The following CNTN5 variants were observed in gnomAD, a reference collection of about 807,000 sequenced individuals.
The protein encoded by CNTN5 is contactin-5.
CNTN5 carries 77 observed loss-of-function variants against 129.1 expected under a neutral mutation model. That is an observed-to-expected ratio of 0.60 (90% CI 0.50 to 0.72). The LOEUF is 0.72. Ranked by LOEUF, CNTN5 falls within the 30% of genes least tolerant of loss-of-function variation. CNTN5 has a pLI of 0.00. For missense variants in CNTN5, 1,478 were observed against 1,328.8 expected (o/e 1.11, Z -1.75); for synonymous variants, 509 against 465.6 (o/e 1.09, Z -1.20).
rs1485750756 is a variant in CNTN5, at chr11:100,089,674, A to G, written c.1580+15380A>G. ...TGCCCTTCATTGATAGACTGGATAA[A>G]GAAAACATGGTACATATACGTCATG... On this transcript the variant is annotated intron_variant, in intron 13 of 24. Coordinates refer to ENST00000524871, the MANE Select transcript of CNTN5 (RefSeq NM_014361.4). Among the ~76,000 whole-genome samples, 5 of 152,186 alleles carry G rather than the reference A, an allele frequency of 3.3e-5. 1 individual carries two copies. Among genetic ancestry groups the G allele is most frequent in the South Asian group, 2.1e-4 (1 of 4,834 alleles).
chr11:100,350,956 T>A (rs965681065), intron 24 of CNTN5, 86 bp downstream of exon 24: 14 of 1,028,318 alleles, frequency 1.4e-5, no homozygotes, highest in Non-Finnish European at 1.8e-5. Context: ...TGTGATAGAT[T>A]TCATGGTTCA....
At chr11:99,993,271 C>A (rs1193813062) in intron 8 of CNTN5, among the ~76,000 whole-genome samples, 1 of 152,188 alleles carries the variant, frequency 6.6e-6, no homozygotes, top group Non-Finnish European at 1.5e-5. Flanking sequence ...AAGAAAATAG[C>A]TCTGCACATA....
chr11:99,467,868 G>A (rs529625729), intron 2 of CNTN5, among the ~76,000 whole-genome samples: 5 of 151,820 alleles, frequency 3.3e-5, no homozygotes, highest in Admixed American at 6.6e-5. Context: ...TTCTCAAGCT[G>A]TTTCCTTCTT....
At position 99,147,170 on chromosome 11, in the gene CNTN5, C is replaced by A. The variant is rs547343669; in HGVS notation, c.-210+125900C>A. Reference sequence around the variant, plus strand: ...TTGTTATTAATGCATCTTTCAGTATCTTTGAATAGGTCAGGACACAATTAA... The same window carrying A: ...TTGTTATTAATGCATCTTTCAGTATATTTGAATAGGTCAGGACACAATTAA... On this transcript the variant is annotated intron_variant, in intron 1 of 24. Coordinates refer to ENST00000524871, the MANE Select transcript of CNTN5 (RefSeq NM_014361.4). Among the ~76,000 whole-genome samples the A allele has an allele frequency of 2.6e-5, 4 of 152,260 alleles. No individual in the cohort carries two copies. The South Asian group carries it at 8.3e-4, about 32-fold the overall frequency.
At chr11:99,691,752 T>C (rs1956466875) in intron 3 of CNTN5, among the ~76,000 whole-genome samples, 1 of 152,146 alleles carries the variant, frequency 6.6e-6, no homozygotes, top group Non-Finnish European at 1.5e-5. Flanking sequence ...TTTGTAGATA[T>C]CTGTCGGATC....
At chr11:99,750,626 G>C (rs376916077) in intron 3 of CNTN5, among the ~76,000 whole-genome samples, 1 of 151,884 alleles carries the variant, frequency 6.6e-6, no homozygotes, top group African/African-American at 2.4e-5. Context: ...CAGGAAGACA[G>C]AGTAAATGTT....
chr11:99,466,333 G>A (rs1944941537), intron 2 of CNTN5, among the ~76,000 whole-genome samples: 1 of 152,118 alleles, frequency 6.6e-6, no homozygotes, highest in Non-Finnish European at 1.5e-5. Context: ...AGATTTGGGA[G>A]GGGACACAAA....
intron 1 of CNTN5, among the ~76,000 whole-genome samples, chr11:99,265,398 T>A (rs1488352092): frequency 6.6e-6 from 1 of 152,008 alleles, no homozygotes; most frequent in Non-Finnish European, 1.5e-5. Flanking sequence ...GCAAGTTAGT[T>A]TGGAACTGTG....
intron 16 of CNTN5, among the ~76,000 whole-genome samples, chr11:100,254,500 G>T (rs536578615): frequency 1.3e-5 from 2 of 151,932 alleles, no homozygotes; most frequent in Non-Finnish European, 2.9e-5. Context: ...TCCAACTTTC[G>T]GTCACCTTCC....
chr11:99,087,562 C>T (rs1468613761), intron 1 of CNTN5, among the ~76,000 whole-genome samples: 1 of 152,172 alleles, frequency 6.6e-6, no homozygotes, highest in African/African-American at 2.4e-5. Flanking sequence ...AGTTCTTTTA[C>T]AGCATTTACC....
intron 1 of CNTN5, among the ~76,000 whole-genome samples, chr11:99,184,859 G>C (rs1858258871): frequency 6.6e-6 from 1 of 152,090 alleles, no homozygotes; most frequent in Non-Finnish European, 1.5e-5. Flanking sequence ...AATTTTAAAA[G>C]TGATATTTTT....
At chr11:99,534,718 A>G (rs1368135956) in intron 2 of CNTN5, among the ~76,000 whole-genome samples, 1 of 152,188 alleles carries the variant, frequency 6.6e-6, no homozygotes, top group Non-Finnish European at 1.5e-5. Context: ...TAATCACACT[A>G]ATAAATGTGT....
intron 3 of CNTN5, among the ~76,000 whole-genome samples, chr11:99,793,550 T>C (rs1004808372): frequency 6.6e-6 from 1 of 152,162 alleles, no homozygotes; most frequent in African/African-American, 2.4e-5. Context: ...TTTTCAGGGA[T>C]GTGTTTCATT....
At chr11:99,425,646 G>T (rs1943086674) in intron 2 of CNTN5, among the ~76,000 whole-genome samples, 1 of 152,250 alleles carries the variant, frequency 6.6e-6, no homozygotes, top group Non-Finnish European at 1.5e-5. Flanking sequence ...AGAGAAAGAG[G>T]CCAGAGAGTG....
intron 3 of CNTN5, among the ~76,000 whole-genome samples, chr11:99,784,241 C>T (rs1229048027): frequency 6.6e-6 from 1 of 152,180 alleles, no homozygotes; most frequent in Middle Eastern, 3.4e-3. Context: ...GTTTGCTCCA[C>T]CCATCAACCC....
At chr11:99,543,855 A>G (rs1273307507) in intron 2 of CNTN5, among the ~76,000 whole-genome samples, 2 of 132,988 alleles carry the variant, frequency 1.5e-5, no homozygotes, top group African/African-American at 5.6e-5. Context: ...CAGGAATCGG[A>G]GGTTGCAGTG....
intron 3 of CNTN5, among the ~76,000 whole-genome samples, chr11:99,800,812 G>C (rs1195462521): frequency 2.0e-5 from 3 of 152,106 alleles, no homozygotes; most frequent in Non-Finnish European, 2.9e-5. Flanking sequence ...TGTGGGTGTT[G>C]TTTCATGTGG....
intron 2 of CNTN5, among the ~76,000 whole-genome samples, chr11:99,459,184 A>G (rs1944600766): frequency 6.6e-6 from 1 of 152,008 alleles, no homozygotes; most frequent in Non-Finnish European, 1.5e-5. Context: ...AAAGAAAGAA[A>G]TGATAGTTTC....
At chr11:99,104,618 A>G (rs867339147) in intron 1 of CNTN5, among the ~76,000 whole-genome samples, 9 of 108,474 alleles carry the variant, frequency 8.3e-5, no homozygotes, top group South Asian at 5.6e-4. Context: ...ATGTGTGTGT[A>G]TATATATATA....
Sources: allele counts gnomAD v4.1 joint callset (sites outside exome capture counted in the v4.1 genomes callset), GRCh38; gene constraint gnomAD v4.1.1; transcripts MANE v1.5; gene names NCBI Gene and HGNC (gene_info 2026-07-23, HGNC 2026-07-21).